Variants in SNRK observed in about 807,000 individuals in gnomAD.
The protein encoded by SNRK is SNF-related serine/threonine-protein kinase.
In SNRK, 3 loss-of-function variants were observed where a neutral mutation model predicts 48.2. The ratio of observed to expected loss-of-function variants is 0.06; its 90% CI spans 0.03 to 0.16. SNRK has a LOEUF of 0.16. Ranked by LOEUF, SNRK falls within the 10% of genes least tolerant of loss-of-function variation. The probability of loss-of-function intolerance (pLI) is 1.00; values close to 1 mark genes in which losing one functional copy is unlikely to be tolerated. For synonymous variants in SNRK, 376 were observed against 366.1 expected, an observed-to-expected ratio of 1.03 and a Z score of -0.31; for missense variants, 627 against 976.0, an observed-to-expected ratio of 0.64 and a Z score of 4.76.
chr3:43,322,047 A>G (rs767165855), intron 3 of SNRK, among the ~76,000 whole-genome samples: 7 of 152,266 alleles, frequency 4.6e-5, no homozygotes, highest in Non-Finnish European at 1.0e-4. Context: ...GAATATACAT[A>G]TCAGTGTCTG....
rs2091291004 is a variant in SNRK at position 43,348,011 on chromosome 3, C to G, written c.1752C>G (p.Ser584Arg). 6.2e-7 allele frequency: 1 copy of G among 1,612,048 alleles called. No individual in the cohort carries two copies. The highest frequency in any genetic ancestry group is 8.5e-7 in the Non-Finnish European group (1 of 1,178,928). Residue 584 changes from serine to arginine, a missense_variant, in exon 7 of 7, where the codon AGC becomes AGG. Physicochemically the swap from Ser to Arg is moderately radical, Grantham distance 110. Transcript: ENST00000296088. ...PGSEGDGGGQ[S>R]KPSNASGGVD... ...GTGAGGGGGATGGCGGGGGCCAGAG[C>G]AAGCCAAGCAATGCCAGTGGAGGGG...
At chr3:43,295,453 G>A (rs185069584) in intron 1 of SNRK, among the ~76,000 whole-genome samples, 8 of 152,220 alleles carry the variant, frequency 5.3e-5, no homozygotes, top group African/African-American at 1.9e-4. Flanking sequence ...ACCTTGTCTT[G>A]GAAAATGCTT....
At chr3:43,296,785 A>G (rs2090859117) in intron 1 of SNRK, among the ~76,000 whole-genome samples, 1 of 152,168 alleles carries the variant, frequency 6.6e-6, no homozygotes. Flanking sequence ...GTGAATTCCA[A>G]ATTGATAGTA....
At chr3:43,329,864 G>T (rs190482329) in intron 3 of SNRK, among the ~76,000 whole-genome samples, 37 of 152,070 alleles carry the variant, frequency 2.4e-4, no homozygotes, top group Non-Finnish European at 3.8e-4. Context: ...AGTTTTCTTC[G>T]GTCAAATAAG....
intron 3 of SNRK, among the ~76,000 whole-genome samples, chr3:43,307,973 C>T (rs1374209374): frequency 6.6e-6 from 1 of 152,182 alleles, no homozygotes; most frequent in African/African-American, 2.4e-5. Context: ...CCAGTGAACA[C>T]ACGAATGGTA....
intron 3 of SNRK, among the ~76,000 whole-genome samples, chr3:43,326,633 C>T (rs2091098727): frequency 6.6e-6 from 1 of 152,098 alleles, no homozygotes. Context: ...GGATTTGAAG[C>T]ACATCATAGA....
intron 6 of SNRK, among the ~76,000 whole-genome samples, chr3:43,344,273 C>A (rs570945709): frequency 3.9e-5 from 6 of 152,124 alleles, no homozygotes; most frequent in African/African-American, 1.4e-4. Context: ...CACTTAAAAT[C>A]AAAGCATGGA....
At chr3:43,290,319 CTGGGT>C (rs2090801377) in intron 1 of SNRK, among the ~76,000 whole-genome samples, 1 of 152,146 alleles carries the variant, frequency 6.6e-6, no homozygotes, top group African/African-American at 2.4e-5. Context: ...TCTAATAAAG[CTGGGT>C]TGGATTTGAA....
At chr3:43,294,853 T>A (rs1020456639) in intron 1 of SNRK, among the ~76,000 whole-genome samples, 29 of 152,140 alleles carry the variant, frequency 1.9e-4, no homozygotes, top group South Asian at 4.1e-4. Flanking sequence ...TAATAAAAGC[T>A]TTAGATCAGA....
chr3:43,290,694 A>G (rs2090804936), intron 1 of SNRK, among the ~76,000 whole-genome samples: 1 of 152,210 alleles, frequency 6.6e-6, no homozygotes, highest in Non-Finnish European at 1.5e-5. Flanking sequence ...TGCCAGAGTA[A>G]TTTGTTAAAC....
At chr3:43,312,939 A>G (rs546808769) in intron 3 of SNRK, among the ~76,000 whole-genome samples, 1 of 152,348 alleles carries the variant, frequency 6.6e-6, no homozygotes, top group East Asian at 1.9e-4. Context: ...ACATGTGTTC[A>G]TGAATTGGAA....
intron 3 of SNRK, among the ~76,000 whole-genome samples, chr3:43,324,797 G>A (rs2091082689): frequency 6.6e-6 from 1 of 152,086 alleles, no homozygotes; most frequent in Admixed American, 6.5e-5. Flanking sequence ...GTTATGCATG[G>A]AGAACTAGCC....
At chr3:43,287,608 A>G (rs575390780) in intron 1 of SNRK, among the ~76,000 whole-genome samples, 119 of 152,294 alleles carry the variant, frequency 7.8e-4, no homozygotes, top group African/African-American at 2.7e-3. Context: ...GAACCGTGGT[A>G]AAGTTGACTT....
chr3:43,299,922 G>A (rs1330816554), intron 2 of SNRK, 107 bp downstream of exon 2: 1 of 152,268 alleles, frequency 6.6e-6, no homozygotes, highest in Non-Finnish European at 1.5e-5. Flanking sequence ...GATCCTCAGA[G>A]ATCAAAAAAA....
intron 5 of SNRK, among the ~76,000 whole-genome samples, chr3:43,342,693 G>A (rs1163524943): frequency 6.6e-6 from 1 of 152,238 alleles, no homozygotes; most frequent in Admixed American, 6.5e-5. Context: ...AAGAGAGTGG[G>A]CAGGGCTGTG....
At chr3:43,338,960 T>C (rs553322591) in intron 4 of SNRK, among the ~76,000 whole-genome samples, 28 of 152,364 alleles carry the variant, frequency 1.8e-4, no homozygotes, top group African/African-American at 6.3e-4. Flanking sequence ...AAAATTTCAG[T>C]ATCTGAAGTA....
At chr3:43,322,489 A>G (rs1310319752) in intron 3 of SNRK, among the ~76,000 whole-genome samples, 4 of 152,238 alleles carry the variant, frequency 2.6e-5, no homozygotes, top group Non-Finnish European at 5.9e-5. Flanking sequence ...AATGGTTACT[A>G]TTCTTAAGGT....
intron 3 of SNRK, among the ~76,000 whole-genome samples, chr3:43,318,286 T>C (rs1425080089): frequency 2.0e-5 from 3 of 152,224 alleles, no homozygotes; most frequent in African/African-American, 7.2e-5. Flanking sequence ...CAGAATGTTA[T>C]GTTATTTGTA....
chr3:43,347,831 A>G lies in SNRK; in HGVS notation c.1572A>G (p.Lys524=). ...MNIASPGTVH[K]RYHRRKSQGR... ...TAGCTTCTCCAGGTACAGTTCACAA[A>G]CGCTACCACCGGAGGAAAAGTCAGG... is the stretch of plus-strand genomic sequence containing the variant. Residue 524 remains lysine, a synonymous_variant, in exon 7 of 7, where the codon AAA becomes AAG. Transcript: ENST00000296088. This position sits in a 1 kb window ranked among gnomAD's most constrained non-coding sequence, Gnocchi z 5.4. The G allele has an allele frequency of 6.2e-7, 1 of 1,614,076 alleles. No homozygotes were observed. The highest frequency in any genetic ancestry group is 8.5e-7 in the Non-Finnish European group (1 of 1,180,022).
Sources: gnomAD v4.1 joint callset for allele counts (sites outside exome capture counted in the v4.1 genomes callset) on GRCh38, gnomAD v4.1.1 for gene constraint, Gnocchi (gnomAD v3.1) non-coding constraint, MANE v1.5 for transcripts, NCBI Gene and HGNC (gene_info 2026-07-23, HGNC 2026-07-21) for gene names.